The following NHSL3 variants were observed in gnomAD, a reference collection of about 807,000 sequenced individuals.
NHSL3 encodes the protein NHS-like protein 3.
the NHSL3 span, among the ~76,000 whole-genome samples, chr1:32,753,244 G>A: frequency 3.3e-5 from 5 of 152,008 alleles, no homozygotes; most frequent in Admixed American, 3.3e-4. Context: ...CAGCACTTTA[G>A]GAGGCCAAAG....
the NHSL3 span, among the ~76,000 whole-genome samples, chr1:32,764,016 C>T: frequency 3.9e-5 from 6 of 152,128 alleles, no homozygotes; most frequent in Non-Finnish European, 7.3e-5. Context: ...TGAGTCACCA[C>T]GCCTGGGTAA....
the NHSL3 span, among the ~76,000 whole-genome samples, chr1:32,756,090 T>C: frequency 6.6e-6 from 1 of 152,174 alleles, no homozygotes; most frequent in South Asian, 2.1e-4. Flanking sequence ...CTGCAACTTA[T>C]GGGTCAACTC....
the NHSL3 span, among the ~76,000 whole-genome samples, chr1:32,756,506 CAG>C: frequency 1.9e-3 from 125 of 65,644 alleles, no homozygotes; most frequent in Admixed American, 3.9e-3. Flanking sequence ...AGAAATAAAA[CAG>C]TATCTGGGCG....
At chr1:32,770,517 G>A in the NHSL3 span, 34 of 1,553,986 alleles carry the variant, frequency 2.2e-5, no homozygotes, top group African/African-American at 6.8e-5. The surrounding 1 kb of genome is among the most constrained non-coding windows in gnomAD (Gnocchi z 8.3). Context: ...AGAGCTCTAC[G>A]GCTAGCAATA....
At chr1:32,748,066 C>T in the NHSL3 span, among the ~76,000 whole-genome samples, 4 of 152,150 alleles carry the variant, frequency 2.6e-5, no homozygotes, top group African/African-American at 4.8e-5. Flanking sequence ...GCTGTGATCA[C>T]GCCATTGCAC....
the NHSL3 span, chr1:32,767,845 G>T: frequency 2.9e-5 from 46 of 1,613,926 alleles, no homozygotes; most frequent in Admixed American, 6.7e-5. Flanking sequence ...AGGGGCCAGG[G>T]TCTGCAGTGG....
chr1:32,762,978 ATT>A, the NHSL3 span, among the ~76,000 whole-genome samples: 17 of 126,146 alleles, frequency 1.3e-4, no homozygotes, highest in Admixed American at 3.2e-4. Context: ...CTAGCCTGGA[ATT>A]TTTTTTTTTT....
At chr1:32,772,296 C>CCA in the NHSL3 span, 1 of 1,541,736 alleles carries the variant, frequency 6.5e-7, no homozygotes, top group Non-Finnish European at 9.0e-7. Flanking sequence ...CCGCCTCCCC[C>CCA]AGTTACCCTC....
At chr1:32,741,921 G>A in the NHSL3 span, 9 of 464,742 alleles carry the variant, frequency 1.9e-5, no homozygotes, top group South Asian at 6.0e-4. The surrounding 1 kb of genome is among the most constrained non-coding windows in gnomAD (Gnocchi z 4.3). Context: ...GCCGCAGGGG[G>A]CCTGACCCGC....
the NHSL3 span, among the ~76,000 whole-genome samples, chr1:32,766,359 T>C: frequency 3.9e-5 from 6 of 152,024 alleles, no homozygotes; most frequent in East Asian, 7.7e-4. Context: ...TTATTGGACT[T>C]TTGAGGGTTG....
the NHSL3 span, among the ~76,000 whole-genome samples, chr1:32,750,805 C>CTTCCCCACCATTTTCTAAGAGGGT: frequency 3.3e-5 from 5 of 150,516 alleles, no homozygotes; most frequent in East Asian, 9.8e-4. Context: ...AGCGCCCGGC[C>CTTCCCCACCATTTTCTAAGAGGGT]CCTTTTATTT....
chr1:32,767,981 C>A, the NHSL3 span: 1 of 1,611,784 alleles, frequency 6.2e-7, no homozygotes, highest in Non-Finnish European at 8.5e-7. Context: ...CCACTCCCCT[C>A]CCCTCTCCTC....
chr1:32,743,549 G>A, the NHSL3 span, among the ~76,000 whole-genome samples: 1 of 152,234 alleles, frequency 6.6e-6, no homozygotes, highest in South Asian at 2.1e-4. Flanking sequence ...CTGGGATTCA[G>A]TCTGAAGTCA....
chr1:32,744,928 C>A, the NHSL3 span, among the ~76,000 whole-genome samples: 2 of 151,466 alleles, frequency 1.3e-5, no homozygotes, highest in African/African-American at 4.9e-5. Flanking sequence ...GAGTTCGAGA[C>A]CAGCCTGGGC....
At chr1:32,771,071 C>T in the NHSL3 span, 30 of 1,613,678 alleles carry the variant, frequency 1.9e-5, no homozygotes, top group African/African-American at 4.0e-5. Context: ...TCTTCCCTCA[C>T]GTCTTTATGT....
the NHSL3 span, chr1:32,769,641 C>G: frequency 6.5e-7 from 1 of 1,544,414 alleles, no homozygotes; most frequent in Non-Finnish European, 8.9e-7. Flanking sequence ...GTCCTTTGCT[C>G]TAACAGTTTT....
the NHSL3 span, chr1:32,771,603 C>G: frequency 6.2e-7 from 1 of 1,613,226 alleles, no homozygotes; most frequent in African/African-American, 1.3e-5. Flanking sequence ...CTTCAGGCTC[C>G]CCAGAGCTTG....
At chr1:32,770,674 C>T in the NHSL3 span, 2 of 1,526,296 alleles carry the variant, frequency 1.3e-6, no homozygotes, top group African/African-American at 1.4e-5. This position sits in a 1 kb window ranked among gnomAD's most constrained non-coding sequence, Gnocchi z 8.3. Flanking sequence ...GCGGCCTCCA[C>T]CCCCTCCCCG....
the NHSL3 span, among the ~76,000 whole-genome samples, chr1:32,756,601 G>T: frequency 7.2e-6 from 1 of 139,692 alleles, no homozygotes; most frequent in East Asian, 2.2e-4. Context: ...CAAGGCTGCA[G>T]TGAGCCGATC....
Sources: gnomAD v4.1 joint callset for allele counts (sites outside exome capture counted in the v4.1 genomes callset) on GRCh38, gnomAD v4.1.1 for gene constraint, Gnocchi (gnomAD v3.1) non-coding constraint, MANE v1.5 for transcripts, NCBI Gene and HGNC (gene_info 2026-07-23, HGNC 2026-07-21) for gene names.